SGCZ: variants seen among roughly 807,000 people sequenced by gnomAD.
SGCZ encodes the protein sarcoglycan zeta.
SGCZ carries 40 observed loss-of-function variants against 41.3 expected under a neutral mutation model. That is an observed-to-expected ratio of 0.97 (90% CI 0.75 to 1.26). SGCZ has a LOEUF of 1.26. Ranked by LOEUF, SGCZ falls within the 50% of genes most tolerant of loss-of-function variation. The probability of loss-of-function intolerance (pLI) is 0.00; values close to 1 mark genes in which losing one functional copy is unlikely to be tolerated. For synonymous variants in SGCZ, 206 were observed against 137.5 expected (o/e 1.50, Z -3.49); for missense variants, 552 against 369.8 (o/e 1.49, Z -4.04).
At chr8:14,400,353 G>A (rs934767762) in intron 2 of SGCZ, among the ~76,000 whole-genome samples, 2 of 152,076 alleles carry the variant, frequency 1.3e-5, no homozygotes, top group Non-Finnish European at 2.9e-5. Context: ...ATATATGTTT[G>A]CATTTCTCTT....
chr8:14,408,990 T>TGC, intron 2 of SGCZ, among the ~76,000 whole-genome samples: 1 of 144,872 alleles, frequency 6.9e-6, no homozygotes, highest in Admixed American at 7.2e-5. Flanking sequence ...CGTGTGTGTG[T>TGC]GTGTGTATTT....
chr8:14,522,686 G>C (rs1402472240), intron 2 of SGCZ, among the ~76,000 whole-genome samples: 1 of 151,144 alleles, frequency 6.6e-6, no homozygotes, highest in Non-Finnish European at 1.5e-5. Context: ...CTTTTCATTT[G>C]TTTTTTCTTA....
intron 1 of SGCZ, among the ~76,000 whole-genome samples, chr8:14,615,377 C>A (rs1231892214): frequency 6.6e-6 from 1 of 152,226 alleles, no homozygotes; most frequent in Admixed American, 6.5e-5. Context: ...CTTCTGTGCT[C>A]CTGTATCTGG....
intron 1 of SGCZ, among the ~76,000 whole-genome samples, chr8:14,826,078 T>G (rs1199127263): frequency 4.1e-5 from 5 of 120,484 alleles, no homozygotes; most frequent in African/African-American, 1.3e-4. Flanking sequence ...CCTAATGCTA[T>G]CCCTCCCCCC....
chr8:15,212,093 T>G (rs1489514699), intron 1 of SGCZ, among the ~76,000 whole-genome samples: 1 of 152,146 alleles, frequency 6.6e-6, no homozygotes, highest in Non-Finnish European at 1.5e-5. Context: ...AAGTTTCTCC[T>G]ACACTGACTA....
chr8:14,368,971 G>A (rs189589585), intron 2 of SGCZ, among the ~76,000 whole-genome samples: 20 of 151,560 alleles, frequency 1.3e-4, no homozygotes, highest in Admixed American at 2.6e-4. Flanking sequence ...TAAGGAAGCA[G>A]GTACATCTGT....
At chr8:14,508,192 T>A (rs374690637) in intron 2 of SGCZ, among the ~76,000 whole-genome samples, 3 of 152,148 alleles carry the variant, frequency 2.0e-5, no homozygotes, top group African/African-American at 7.2e-5. Context: ...TTTTCTATTC[T>A]TCACTGTCTC....
At chr8:14,325,930 G>A (rs1231124950) in intron 2 of SGCZ, among the ~76,000 whole-genome samples, 9 of 148,416 alleles carry the variant, frequency 6.1e-5, no homozygotes, top group Middle Eastern at 3.5e-3. Context: ...GGCTAACACG[G>A]TGAAACCCTG....
At chr8:14,402,510 T>C (rs1483948291) in intron 2 of SGCZ, among the ~76,000 whole-genome samples, 1 of 150,288 alleles carries the variant, frequency 6.7e-6, no homozygotes, top group African/African-American at 2.5e-5. Flanking sequence ...TACCTATGGC[T>C]AGCCAGTTTT....
chr8:14,554,809 C>A lies in SGCZ; in HGVS notation c.157G>T (p.Val53Phe), dbSNP rs1803980806. The A allele has an allele frequency of 6.2e-7, 1 of 1,613,092 alleles. No individual in the cohort carries two copies. The highest frequency in any genetic ancestry group is 1.1e-5 in the South Asian group (1 of 91,050). The change falls in exon 2 of 8, where the codon GTC (valine) becomes TTC (phenylalanine). Residue 53 changes from valine to phenylalanine, a missense_variant. Val to Phe is a conservative substitution (Grantham distance 50, BLOSUM62 -1). Transcript: ENST00000382080. ...GWRKRCLYFF[V>F]LLLLVTMIVN... ...ATCATGGTAACCAACAGCAGAAGGA[C>A]AAAGAAGTATAAGCACCTCTTTCGC...
At chr8:14,806,915 G>A (rs1319542378) in intron 1 of SGCZ, among the ~76,000 whole-genome samples, 1 of 150,976 alleles carries the variant, frequency 6.6e-6, no homozygotes, top group Non-Finnish European at 1.5e-5. Flanking sequence ...TGGGATGCAA[G>A]GCTGGTTCAA....
At chr8:14,548,790 A>C (rs1006195009) in intron 2 of SGCZ, among the ~76,000 whole-genome samples, 1 of 152,140 alleles carries the variant, frequency 6.6e-6, no homozygotes, top group Non-Finnish European at 1.5e-5. Context: ...AAAAATCAGA[A>C]TATCCTGCAT....
intron 2 of SGCZ, among the ~76,000 whole-genome samples, chr8:14,481,197 T>C (rs1278776341): frequency 6.6e-6 from 1 of 152,178 alleles, no homozygotes; most frequent in East Asian, 1.9e-4. Flanking sequence ...TAATATATGA[T>C]GCTTAATTTT....
intron 4 of SGCZ, among the ~76,000 whole-genome samples, chr8:14,211,160 T>C (rs1449753832): frequency 6.6e-6 from 1 of 152,186 alleles, no homozygotes; most frequent in African/African-American, 2.4e-5. Context: ...GCTGGCATGA[T>C]GCTTTGTCAG....
At chr8:14,930,787 C>T (rs529622404) in intron 1 of SGCZ, among the ~76,000 whole-genome samples, 3 of 151,988 alleles carry the variant, frequency 2.0e-5, no homozygotes, top group East Asian at 1.9e-4. Flanking sequence ...AATGAGAACA[C>T]ATGGACACAG....
chr8:14,355,568 A>G (rs1335615511), intron 2 of SGCZ, among the ~76,000 whole-genome samples: 1 of 152,016 alleles, frequency 6.6e-6, no homozygotes, highest in Non-Finnish European at 1.5e-5. Context: ...AATAACGTAT[A>G]TGCTCATTCT....
At chr8:15,074,045 G>GT (rs1279306909) in intron 1 of SGCZ, among the ~76,000 whole-genome samples, 2 of 152,108 alleles carry the variant, frequency 1.3e-5, no homozygotes, top group African/African-American at 4.8e-5. Context: ...GTACACAAAA[G>GT]TAACACGAGT....
At chr8:14,358,609 G>A (rs377667558) in intron 2 of SGCZ, among the ~76,000 whole-genome samples, 1 of 151,958 alleles carries the variant, frequency 6.6e-6, no homozygotes, top group Non-Finnish European at 1.5e-5. Flanking sequence ...TATCCTGTAA[G>A]GTATATATAT....
chr8:15,060,916 C>T (rs1032300455), intron 1 of SGCZ, among the ~76,000 whole-genome samples: 1 of 152,162 alleles, frequency 6.6e-6, no homozygotes, highest in Non-Finnish European at 1.5e-5. Flanking sequence ...TGCTTCGATA[C>T]TCCACCATAG....
Sources: gnomAD v4.1 joint callset for allele counts (sites outside exome capture counted in the v4.1 genomes callset) on GRCh38, gnomAD v4.1.1 for gene constraint, MANE v1.5 for transcripts, NCBI Gene and HGNC (gene_info 2026-07-23, HGNC 2026-07-21) for gene names.